Variants in FAM227B observed in about 807,000 individuals in gnomAD.
FAM227B encodes protein FAM227B.
A neutral mutation model predicts 73.8 loss-of-function variants in FAM227B; 88 were observed. That is an observed-to-expected ratio of 1.19 (90% CI 1.00 to 1.42). The LOEUF (loss-of-function observed/expected upper bound fraction) is 1.42, where lower values mean the gene tolerates loss of function less well. Ranked by LOEUF, FAM227B falls within the 40% of genes most tolerant of loss-of-function variation. The pLI, the probability that FAM227B is intolerant of heterozygous loss-of-function variation, is 0.00. For missense variants in FAM227B, 632 were observed against 590.9 expected (o/e 1.07, Z -0.72); for synonymous variants, 210 against 190.5 (o/e 1.10, Z -0.84).
chr15:49,614,015 TA>T (rs1299025277), intron 2 of FAM227B, among the ~76,000 whole-genome samples: 1 of 152,226 alleles, frequency 6.6e-6, no homozygotes, highest in Admixed American at 6.5e-5. Context: ...CATTTACAAA[TA>T]TACAGAATCA....
chr15:49,398,176 A>T (rs868101603), intron 11 of FAM227B, among the ~76,000 whole-genome samples: 59 of 152,284 alleles, frequency 3.9e-4, no homozygotes, highest in African/African-American at 1.4e-3. Context: ...ATGGAAAACA[A>T]AAAAAGGCAG....
intron 11 of FAM227B, among the ~76,000 whole-genome samples, chr15:49,461,248 A>C (rs1041347663): frequency 2.0e-5 from 3 of 152,170 alleles, no homozygotes; most frequent in African/African-American, 7.2e-5. Context: ...AGGTCTCATT[A>C]TCTCAAAAGG....
At chr15:49,351,362 G>C (rs778469188) in intron 13 of FAM227B, among the ~76,000 whole-genome samples, 1 of 152,076 alleles carries the variant, frequency 6.6e-6, no homozygotes, top group Non-Finnish European at 1.5e-5. Context: ...AAGAAGATAC[G>C]GCCAATTCCG....
chr15:49,382,733 T>A (rs1253372100), intron 11 of FAM227B, among the ~76,000 whole-genome samples: 1 of 152,108 alleles, frequency 6.6e-6, no homozygotes, highest in East Asian at 1.9e-4. Context: ...GAACAATCAC[T>A]GTGAAGATTC....
intron 11 of FAM227B, among the ~76,000 whole-genome samples, chr15:49,459,561 T>G (rs1000838991): frequency 1.3e-5 from 2 of 152,186 alleles, no homozygotes; most frequent in South Asian, 2.1e-4. Context: ...TCTTAATTAT[T>G]TTAAAGTCCT....
chr15:49,350,536 G>A (rs2042091086), intron 13 of FAM227B, among the ~76,000 whole-genome samples: 1 of 152,072 alleles, frequency 6.6e-6, no homozygotes, highest in African/African-American at 2.4e-5. Context: ...AAGAATAGTG[G>A]GGGAAAGCAA....
chr15:49,419,297 A>T (rs1345279918), intron 11 of FAM227B, among the ~76,000 whole-genome samples: 1 of 152,160 alleles, frequency 6.6e-6, no homozygotes, highest in Non-Finnish European at 1.5e-5. Context: ...TCCCAGGTCC[A>T]TGGGACTCTG....
intron 10 of FAM227B, among the ~76,000 whole-genome samples, chr15:49,520,958 A>G (rs896471877): frequency 2.0e-5 from 3 of 152,150 alleles, no homozygotes; most frequent in African/African-American, 7.2e-5. Flanking sequence ...CCCAAGACAG[A>G]CTACTGACCA....
intron 11 of FAM227B, among the ~76,000 whole-genome samples, chr15:49,454,828 C>G (rs2151901651): frequency 6.6e-6 from 1 of 152,220 alleles, no homozygotes. Flanking sequence ...CCAGGATGGT[C>G]TCGATCTCCT....
chr15:49,328,062 C>CTTA lies in FAM227B; in HGVS notation c.*503_*505dup. 1 of 1,614,034 alleles carries CTTA rather than the reference C, an allele frequency of 6.2e-7. No homozygotes were observed. The highest frequency in any genetic ancestry group is 8.5e-7 in the Non-Finnish European group (1 of 1,179,968). The stretch of plus-strand genomic sequence containing the variant: ...AGCTTTCTAGCAAATGTGCACAAAG[C>CTTA]TTATTACCAGAGGAGTGATGGAAGC... On this transcript the variant is annotated 3_prime_UTR_variant, in exon 16 of 16. Transcript: ENST00000299338.
intron 11 of FAM227B, among the ~76,000 whole-genome samples, chr15:49,393,656 T>G (rs914618734): frequency 1.5e-4 from 23 of 152,236 alleles, no homozygotes; most frequent in African/African-American, 5.1e-4. Context: ...ATGAATACAA[T>G]AAGGATTGGC....
chr15:49,550,406 C>T (rs888230448), intron 9 of FAM227B, among the ~76,000 whole-genome samples: 7 of 151,040 alleles, frequency 4.6e-5, no homozygotes, highest in South Asian at 2.1e-4. Context: ...CCCTCCCGGA[C>T]GGGGTGGCTG....
chr15:49,494,600 C>T (rs762007290), intron 11 of FAM227B, among the ~76,000 whole-genome samples: 1 of 152,082 alleles, frequency 6.6e-6, no homozygotes, highest in African/African-American at 2.4e-5. Flanking sequence ...TTCCCTCACA[C>T]AGTATTCATA....
intron 11 of FAM227B, chr15:49,487,060 T>A (rs1230940326): frequency 6.6e-6 from 1 of 151,938 alleles, no homozygotes; most frequent in Non-Finnish European, 1.5e-5. Context: ...TGTTTTTGTT[T>A]TTTATTTCTG....
chr15:49,375,074 C>G (rs2046072802), intron 11 of FAM227B, among the ~76,000 whole-genome samples: 2 of 152,148 alleles, frequency 1.3e-5, no homozygotes, highest in African/African-American at 4.8e-5. Flanking sequence ...AATTGGCAAA[C>G]TGAAAGATTA....
At chr15:49,333,773 G>A (rs1805064954) in intron 14 of FAM227B, among the ~76,000 whole-genome samples, 1 of 152,184 alleles carries the variant, frequency 6.6e-6, no homozygotes, top group African/African-American at 2.4e-5. Flanking sequence ...GCTTACGGGT[G>A]TGTTGGAAGA....
At chr15:49,434,085 A>G (rs541797401) in intron 11 of FAM227B, among the ~76,000 whole-genome samples, 1 of 151,436 alleles carries the variant, frequency 6.6e-6, no homozygotes, top group Non-Finnish European at 1.5e-5. Flanking sequence ...TCCACTCTCA[A>G]TTCGTTTTAG....
intron 15 of FAM227B, chr15:49,329,692 A>G: frequency 2.0e-6 from 2 of 976,920 alleles, no homozygotes; most frequent in Non-Finnish European, 2.4e-6. Context: ...TAAATCCAAA[A>G]ATCTGAAACC....
chr15:49,592,606 T>C (rs1444712346), intron 3 of FAM227B, among the ~76,000 whole-genome samples: 1 of 152,216 alleles, frequency 6.6e-6, no homozygotes, highest in Non-Finnish European at 1.5e-5. Context: ...TGTTGGCCCC[T>C]ACTGGGAGGT....
Sources: gnomAD v4.1 joint callset for allele counts (sites outside exome capture counted in the v4.1 genomes callset) on GRCh38, gnomAD v4.1.1 for gene constraint, MANE v1.5 for transcripts, NCBI Gene and HGNC (gene_info 2026-07-23, HGNC 2026-07-21) for gene names.